PARP4: variants seen among roughly 807,000 people sequenced by gnomAD.
PARP4 encodes the protein poly(ADP-ribose) polymerase family member 4, also known as protein mono-ADP-ribosyltransferase PARP4.
In PARP4, 120 loss-of-function variants were observed where a neutral mutation model predicts 187.7. That is an observed-to-expected ratio of 0.64 (90% CI 0.55 to 0.74). The LOEUF is 0.74. Ranked by LOEUF, PARP4 falls within the 30% of genes least tolerant of loss-of-function variation. The pLI is 0.00. For synonymous variants in PARP4, 654 were observed against 740.9 expected (o/e 0.88, Z 1.90); for missense variants, 1,836 against 2,070.5 (o/e 0.89, Z 2.20).
intron 9 of PARP4, among the ~76,000 whole-genome samples, chr13:24,491,508 A>C (rs1868648041): frequency 6.6e-6 from 1 of 152,130 alleles, no homozygotes; most frequent in South Asian, 2.1e-4. Context: ...TTCTTTCCTT[A>C]TTTTGGATTA....
intron 2 of PARP4, among the ~76,000 whole-genome samples, 173 bp downstream of exon 2, chr13:24,503,468 CACCT>C (rs755320019): frequency 2.6e-5 from 4 of 152,172 alleles, no homozygotes; most frequent in Non-Finnish European, 5.9e-5. Flanking sequence ...AGGGCTGGGC[CACCT>C]CTGCCTCTAG....
chr13:24,428,911 T>G (rs145378958), intron 32 of PARP4, among the ~76,000 whole-genome samples: 262 of 152,338 alleles, frequency 1.7e-3, no homozygotes, highest in African/African-American at 6.0e-3. Flanking sequence ...GTTCAAATAT[T>G]TTTCTATCTA....
chr13:24,431,784 C>A (rs1449878991), intron 31 of PARP4, among the ~76,000 whole-genome samples: 1 of 152,192 alleles, frequency 6.6e-6, no homozygotes, highest in African/African-American at 2.4e-5. Context: ...AAATAAAGTT[C>A]TTCATACACT....
At chr13:24,468,528 T>C (rs1431106089) in intron 17 of PARP4, among the ~76,000 whole-genome samples, 3 of 150,952 alleles carry the variant, frequency 2.0e-5, no homozygotes, top group Non-Finnish European at 4.4e-5. Flanking sequence ...CTGCAGCCTC[T>C]CCAGTAGCTG....
intron 3 of PARP4, among the ~76,000 whole-genome samples, chr13:24,501,384 G>A (rs1869271719): frequency 6.6e-6 from 1 of 152,140 alleles, no homozygotes; most frequent in African/African-American, 2.4e-5. Flanking sequence ...GCACAATCAG[G>A]TTTTCTGAGA....
At position 24,469,108 on chromosome 13, in the gene PARP4, A is replaced by C. The variant is rs753810584; in HGVS notation, c.2049T>G (p.Ile683Met). The stretch of plus-strand genomic sequence containing the variant: ...CTTGCTGGGCTTCTTCCTTCTCTTT[A>C]ATCTGGAAAAGATGAGTTTTAAATC... ...FINGKHIVGEIKEKEEAQQEY... is the reference protein window; with the variant it reads ...FINGKHIVGEMKEKEEAQQEY... The change falls in exon 17 of 34, where the codon ATT becomes ATG. Residue 683 changes from isoleucine (I) to methionine (M), a missense_variant and splice_region_variant. This residue lies in a region of PARP4 where 1,147 missense variants were observed against 1,214.2 expected (regional missense o/e 0.94). Transcript: ENST00000381989. The C allele has an allele frequency of 2.3e-5, 37 of 1,606,244 alleles. No homozygotes were observed. The African/African-American group carries it at 4.3e-4, about 19-fold the overall frequency.
chr13:24,474,968 C>T (rs1195032895), intron 15 of PARP4, among the ~76,000 whole-genome samples: 1 of 152,206 alleles, frequency 6.6e-6, no homozygotes, highest in Non-Finnish European at 1.5e-5. Flanking sequence ...AGATCAGCCT[C>T]CTTCCTACCT....
At chr13:24,466,746 C>A (rs929282754) in intron 17 of PARP4, among the ~76,000 whole-genome samples, 2 of 147,550 alleles carry the variant, frequency 1.4e-5, no homozygotes. Flanking sequence ...TTGCAGTGAG[C>A]CAAAATCACG....
At chr13:24,443,272 AG>A (rs1040616150) in intron 28 of PARP4, among the ~76,000 whole-genome samples, 3 of 151,446 alleles carry the variant, frequency 2.0e-5, no homozygotes, top group African/African-American at 7.3e-5. Flanking sequence ...GGGCTTTGGC[AG>A]GTCACTCAGC....
At chr13:24,479,435 G>A (rs1168586875) in intron 12 of PARP4, among the ~76,000 whole-genome samples, 2 of 152,142 alleles carry the variant, frequency 1.3e-5, no homozygotes, top group Non-Finnish European at 2.9e-5. Context: ...GGGCCCAGCT[G>A]GGCTCCTGAG....
intron 1 of PARP4, among the ~76,000 whole-genome samples, chr13:24,507,131 G>A (rs978483392): frequency 2.0e-5 from 3 of 152,188 alleles, no homozygotes; most frequent in Admixed American, 6.5e-5. Context: ...ACGCCCAACC[G>A]GAACTTGCGC....
At chr13:24,437,867 A>G (rs1870712831) in intron 30 of PARP4, among the ~76,000 whole-genome samples, 1 of 151,628 alleles carries the variant, frequency 6.6e-6, no homozygotes, top group Non-Finnish European at 1.5e-5. Flanking sequence ...AAAAAGAATC[A>G]TACTGAGAAA....
intron 32 of PARP4, among the ~76,000 whole-genome samples, chr13:24,430,716 C>A (rs182655268): frequency 6.6e-6 from 1 of 152,014 alleles, no homozygotes; most frequent in East Asian, 1.9e-4. Context: ...AAACCACTTG[C>A]TGGGTCAAGG....
intron 14 of PARP4, among the ~76,000 whole-genome samples, chr13:24,476,908 C>T (rs961796068): frequency 9.9e-5 from 15 of 152,198 alleles, no homozygotes; most frequent in African/African-American, 3.1e-4. Context: ...GCGGGTACTG[C>T]TCTCATTCCC....
At chr13:24,493,792 C>G in intron 7 of PARP4, 59 bp from the exon 8 acceptor site, 1 of 1,536,838 alleles carries the variant, frequency 6.5e-7, no homozygotes, top group Non-Finnish European at 9.0e-7. Context: ...TTGTGTAAAA[C>G]TTACATGGGC....
chr13:24,497,369 T>C (rs571754345), intron 6 of PARP4, among the ~76,000 whole-genome samples: 9 of 152,292 alleles, frequency 5.9e-5, no homozygotes, highest in African/African-American at 1.9e-4. Context: ...AAGCTATTTT[T>C]ATCTTTGAGT....
At chr13:24,430,678 C>T (rs1182053105) in intron 32 of PARP4, among the ~76,000 whole-genome samples, 1 of 152,078 alleles carries the variant, frequency 6.6e-6, no homozygotes, top group Non-Finnish European at 1.5e-5. Context: ...AACAACAGCT[C>T]CTGTCCTAGG....
chr13:24,475,446 G>C, intron 15 of PARP4, 26 bp downstream of exon 15: 1 of 1,601,608 alleles, frequency 6.2e-7, no homozygotes, highest in South Asian at 1.1e-5. Flanking sequence ...TGTAGTTTAA[G>C]TGTCATAAAG....
Position 24,434,807 on chromosome 13 carries a change from G to C in PARP4, c.4334C>G (p.Pro1445Arg). Residue 1445 changes from proline to arginine, a missense_variant, in exon 31 of 34, where the codon CCT becomes CGT. Around this residue, in one of 8 missense-constraint regions of PARP4, gnomAD observed 450 missense variants for 439.2 expected, o/e 1.02. Transcript: ENST00000381989. ...AGACCCAAAACCTCTGATGGGATCA[G>C]GGTCTGTAGGAAGAGAGAAATGAAG... ...PQLHFSLPTD[P>R]DPIRGFGSYH... is the part of the protein sequence containing the mutation. The C allele has an allele frequency of 6.2e-7, 1 of 1,612,930 alleles. No homozygotes were observed. The highest frequency in any genetic ancestry group is 1.1e-5 in the South Asian group (1 of 90,974).
Sources: allele counts gnomAD v4.1 joint callset (sites outside exome capture counted in the v4.1 genomes callset), GRCh38; gene constraint gnomAD v4.1.1; regional missense constraint gnomAD v4.1.1; transcripts MANE v1.5; gene names NCBI Gene and HGNC (gene_info 2026-07-23, HGNC 2026-07-21).